Variants in OTOGL observed in about 807,000 individuals in gnomAD.
The protein encoded by OTOGL is otogelin-like protein.
A neutral mutation model predicts 318.5 loss-of-function variants in OTOGL; 285 were observed. That is an observed-to-expected ratio of 0.89 (90% CI 0.81 to 0.99). The LOEUF is 0.99. OTOGL is among the 50% of genes least tolerant of loss of function. The pLI is 0.00. For missense variants in OTOGL, 2,899 were observed against 2,845.6 expected (o/e 1.02, Z -0.43); for synonymous variants, 987 against 936.5 (o/e 1.05, Z -0.99).
intron 1 of OTOGL, among the ~76,000 whole-genome samples, chr12:80,163,805 G>A (rs576403813): frequency 6.6e-6 from 1 of 152,250 alleles, no homozygotes; most frequent in Non-Finnish European, 1.5e-5. Context: ...CCCAACTGTT[G>A]CAAGCATTTT....
In OTOGL at chr12:80,339,061, T is replaced by A. The variant is rs748244313; in HGVS notation, c.4861-14T>A. ...AGTAAATATTTCTTAACAGGTGTAT[T>A]TATGTTATTCTAGGTAGAAGTGGAT... On this transcript the variant is annotated splice_polypyrimidine_tract_variant and intron_variant, in intron 42 of 58. Coordinates refer to ENST00000547103, the MANE Select transcript of OTOGL (RefSeq NM_001378609.3). 1 of 1,570,758 alleles carries A rather than the reference T, an allele frequency of 6.4e-7. No individual in the cohort carries two copies.
At chr12:80,250,209 T>C (rs182845373) in intron 11 of OTOGL, among the ~76,000 whole-genome samples, 49 of 152,290 alleles carry the variant, frequency 3.2e-4, no homozygotes, top group African/African-American at 1.2e-3. Flanking sequence ...CAAGATTCTT[T>C]AATACCCATT....
At chr12:80,219,072 T>C (rs559888969) in intron 5 of OTOGL, among the ~76,000 whole-genome samples, 2 of 152,248 alleles carry the variant, frequency 1.3e-5, no homozygotes, top group Non-Finnish European at 2.9e-5. Context: ...CTTTGAGTTT[T>C]ATGCTTTGCC....
rs1023470473 is a variant in OTOGL, at chr12:80,239,529, T to C, written c.1052+90T>C. On this transcript the variant is annotated intron_variant, in intron 11 of 58. Coordinates refer to ENST00000547103, the MANE Select transcript of OTOGL (RefSeq NM_001378609.3). ...TTCTGTTACTTAACCATTTCAGCTG[T>C]TCACAAAATATTATGGGAAATGTAA... 5 of 888,896 alleles carry C rather than the reference T, an allele frequency of 5.6e-6. No individual in the cohort carries two copies. The African/African-American group carries it at 8.6e-5, about 15-fold the overall frequency. 55.1% of individuals were successfully genotyped at this position (888,896 alleles called of 1,614,324 possible).
chr12:80,218,795 C>CTTTTTTTTTTTTTTTTTTTTTT (rs34204072), intron 5 of OTOGL, among the ~76,000 whole-genome samples: 2 of 118,238 alleles, frequency 1.7e-5, no homozygotes, highest in African/African-American at 3.5e-5. Flanking sequence ...CTTTTTCTTT[C>CTTTTTTTTTTTTTTTTTTTTTT]TTTTTTTTTT....
At chr12:80,283,853 T>G (rs762885446) in intron 26 of OTOGL, among the ~76,000 whole-genome samples, 8 of 152,020 alleles carry the variant, frequency 5.3e-5, no homozygotes, top group Non-Finnish European at 1.2e-4. Context: ...GGTTTTGGGC[T>G]CTGCCTTTTC....
chr12:80,261,054 G>T (rs1450082383), intron 18 of OTOGL, among the ~76,000 whole-genome samples: 3 of 152,130 alleles, frequency 2.0e-5, no homozygotes, highest in Admixed American at 6.6e-5. Flanking sequence ...CAAGGAAATG[G>T]CTTGCGTTGC....
chr12:80,198,974 A>G (rs933430033), intron 1 of OTOGL, among the ~76,000 whole-genome samples: 5 of 152,206 alleles, frequency 3.3e-5, no homozygotes, highest in Non-Finnish European at 7.3e-5. Flanking sequence ...ATTAAAATAT[A>G]CATAACCTGT....
intron 24 of OTOGL, 28 bp downstream of exon 24, chr12:80,271,838 A>T: frequency 6.3e-7 from 1 of 1,584,534 alleles, no homozygotes; most frequent in Admixed American, 1.8e-5. Context: ...AATACAGAAC[A>T]TTCAGGATTT....
At chr12:80,339,385 T>G (rs1888630857) in intron 43 of OTOGL, 121 bp downstream of exon 43, 11 of 785,118 alleles carry the variant, frequency 1.4e-5, no homozygotes, top group Middle Eastern at 6.3e-4. Context: ...GATGTGATAT[T>G]AACTTTCAGT....
intron 1 of OTOGL, among the ~76,000 whole-genome samples, chr12:80,183,232 AC>A (rs1221297934): frequency 2.0e-5 from 3 of 152,170 alleles, no homozygotes; most frequent in African/African-American, 7.2e-5. Context: ...TGACAGTCCT[AC>A]TGAGGTAGTA....
At chr12:80,360,285 C>T (rs1424891428) in intron 52 of OTOGL, among the ~76,000 whole-genome samples, 1 of 151,868 alleles carries the variant, frequency 6.6e-6, no homozygotes, top group African/African-American at 2.4e-5. Flanking sequence ...ACAAGTCTGA[C>T]CTAGCCCTTT....
chr12:80,128,497 T>C (rs367575781), intron 1 of OTOGL, among the ~76,000 whole-genome samples: 3 of 152,218 alleles, frequency 2.0e-5, no homozygotes, highest in East Asian at 1.9e-4. Context: ...AGGGACCCAC[T>C]TGAGGAGGCA....
At chr12:80,308,436 TC>T (rs1886382418) in intron 29 of OTOGL, among the ~76,000 whole-genome samples, 1 of 150,680 alleles carries the variant, frequency 6.6e-6, no homozygotes, top group Non-Finnish European at 1.5e-5. Flanking sequence ...GCTCCTCACT[TC>T]CCAGATGTGA....
In OTOGL at chr12:80,210,895, T is replaced by G. The variant is rs982929815; in HGVS notation, c.119+9T>G. 2 of 1,473,404 alleles carry G rather than the reference T, an allele frequency of 1.4e-6. No individual in the cohort carries two copies. The highest frequency in any genetic ancestry group is 4.3e-5 in the Admixed American group (2 of 46,666). The allele number at this position is 1,473,404 out of a possible 1,614,324, so 91.3% of individuals were successfully genotyped here. A position where few individuals can be genotyped will look rare whatever the true frequency, so the allele number is the denominator to read the frequency against. Reference sequence around the variant, plus strand: ...TTGATGGGAACATCAAAGTGAGTATTTCTTGTTCTTCGTGTCCTCTAAAAC... The same window carrying G: ...TTGATGGGAACATCAAAGTGAGTATGTCTTGTTCTTCGTGTCCTCTAAAAC... On this transcript the variant is annotated intron_variant, in intron 3 of 58. Transcript: ENST00000547103.
intron 1 of OTOGL, among the ~76,000 whole-genome samples, chr12:80,165,826 T>C (rs1873794973): frequency 6.6e-6 from 1 of 152,204 alleles, no homozygotes; most frequent in African/African-American, 2.4e-5. Flanking sequence ...AGTCCTGAGG[T>C]GCTTCATCAA....
At chr12:80,353,611 C>T in intron 46 of OTOGL, 101 bp downstream of exon 46, 2 of 943,308 alleles carry the variant, frequency 2.1e-6, no homozygotes, top group Non-Finnish European at 2.9e-6. Context: ...TTATCAAAGA[C>T]AGCCTCTGTT....
intron 11 of OTOGL, among the ~76,000 whole-genome samples, chr12:80,240,272 T>C (rs1211971785): frequency 1.3e-5 from 2 of 151,980 alleles, no homozygotes; most frequent in Non-Finnish European, 2.9e-5. Flanking sequence ...TATATATGAA[T>C]GGTAGTTATA....
chr12:80,168,001 CT>C (rs1002103830), intron 1 of OTOGL, among the ~76,000 whole-genome samples: 6 of 150,482 alleles, frequency 4.0e-5, no homozygotes, highest in East Asian at 1.9e-4. Context: ...CTCTTCTCTT[CT>C]TTTTTTTTGG....
Sources: allele counts gnomAD v4.1 joint callset (sites outside exome capture counted in the v4.1 genomes callset), GRCh38; gene constraint gnomAD v4.1.1; transcripts MANE v1.5; gene names NCBI Gene and HGNC (gene_info 2026-07-23, HGNC 2026-07-21).